The following MLLT3 variants were observed in gnomAD, a reference collection of about 807,000 sequenced individuals.
MLLT3 encodes the protein protein AF-9.
A neutral mutation model predicts 53.2 loss-of-function variants in MLLT3; 4 were observed. That is an observed-to-expected ratio of 0.08 (90% CI 0.04 to 0.17). The LOEUF is 0.17. Among genes scored for constraint, MLLT3 ranks in the 10% least tolerant of loss-of-function variants. The pLI is 1.00. For synonymous variants in MLLT3, 283 were observed against 230.6 expected (o/e 1.23, Z -2.06); for missense variants, 569 against 684.0 (o/e 0.83, Z 1.87).
chr9:20,454,438 C>T (rs1269417434), intron 3 of MLLT3, among the ~76,000 whole-genome samples: 1 of 152,044 alleles, frequency 6.6e-6, no homozygotes. Context: ...GTACAAATGA[C>T]CAGAAGAGTT....
chr9:20,577,053 C>A (rs532212447), intron 2 of MLLT3, among the ~76,000 whole-genome samples: 1 of 152,244 alleles, frequency 6.6e-6, no homozygotes, highest in South Asian at 2.1e-4. Flanking sequence ...CAGGAGTAAT[C>A]CTGCAACATT....
chr9:20,437,997 A>C (rs1051589857), intron 4 of MLLT3, among the ~76,000 whole-genome samples: 2 of 152,194 alleles, frequency 1.3e-5, no homozygotes, highest in African/African-American at 4.8e-5. Context: ...AGTCTTATCA[A>C]AAGTTTTTGC....
chr9:20,355,606 A>G (rs1821153318), intron 8 of MLLT3, among the ~76,000 whole-genome samples: 1 of 152,242 alleles, frequency 6.6e-6, no homozygotes, highest in African/African-American at 2.4e-5. Context: ...CTTTGACAGC[A>G]TCTTCAAAAC....
chr9:20,609,223 T>G (rs1382546220), intron 2 of MLLT3, among the ~76,000 whole-genome samples: 1 of 152,026 alleles, frequency 6.6e-6, no homozygotes, highest in Non-Finnish European at 1.5e-5. Context: ...AAATTATTTT[T>G]TCTTTGACCT....
At chr9:20,615,970 G>T (rs755656983) in intron 2 of MLLT3, among the ~76,000 whole-genome samples, 4 of 150,824 alleles carry the variant, frequency 2.7e-5, no homozygotes, top group Non-Finnish European at 5.9e-5. Flanking sequence ...TTACCTGTAT[G>T]TTAACATATA....
intron 2 of MLLT3, among the ~76,000 whole-genome samples, chr9:20,520,905 T>C (rs1157447520): frequency 6.6e-6 from 1 of 152,062 alleles, no homozygotes; most frequent in Non-Finnish European, 1.5e-5. Flanking sequence ...GAGGGAAGAC[T>C]AAGAGTGGGA....
intron 2 of MLLT3, among the ~76,000 whole-genome samples, chr9:20,556,872 T>C (rs1487040816): frequency 6.6e-6 from 1 of 152,122 alleles, no homozygotes; most frequent in Non-Finnish European, 1.5e-5. Context: ...GGCCTATTTT[T>C]AAAAGCCAAT....
intron 5 of MLLT3, among the ~76,000 whole-genome samples, chr9:20,411,474 A>G (rs1822726301): frequency 1.3e-5 from 2 of 152,224 alleles, no homozygotes; most frequent in South Asian, 2.1e-4. Flanking sequence ...TACTAGTACC[A>G]GAAGACTAAT....
intron 2 of MLLT3, among the ~76,000 whole-genome samples, chr9:20,468,478 T>G (rs1335615474): frequency 6.6e-6 from 1 of 152,062 alleles, no homozygotes; most frequent in Non-Finnish European, 1.5e-5. Flanking sequence ...GAGCACATAT[T>G]GTGAAAAAGC....
chr9:20,620,327 C>T lies in MLLT3; in HGVS notation c.193+327G>A, dbSNP rs944728997. Among the ~76,000 whole-genome samples the T allele has an allele frequency of 6.6e-6, 1 of 151,854 alleles. No homozygotes were observed. Among genetic ancestry groups the T allele is most frequent in the African/African-American group, 2.4e-5 (1 of 41,352 alleles). On this transcript the variant is annotated intron_variant, in intron 2 of 10. Coordinates refer to ENST00000380338, the MANE Select transcript of MLLT3 (RefSeq NM_004529.4). This position sits in a 1 kb window ranked among gnomAD's most constrained non-coding sequence, Gnocchi z 6.1. ...GTGTTTATTCCCTCCAGCCCGATTC[C>T]CCACATCTCCAAACTCAACAACTAA...
chr9:20,620,530 G>T lies in MLLT3; in HGVS notation c.193+124C>A, dbSNP rs1231063487. The T allele has an allele frequency of 4.0e-6, 3 of 748,492 alleles. No individual in the cohort carries two copies. Among genetic ancestry groups the T allele is most frequent in the African/African-American group, 1.9e-5 (1 of 53,226 alleles). 46.4% of individuals were successfully genotyped at this position (748,492 alleles called of 1,614,324 possible). ...CTGGCCCGCGCGGCGCCGCGCACCC[G>T]GATCCCGAGGCTACGCCGGCGAGCG... On this transcript the variant is annotated intron_variant, in intron 2 of 10. Transcript: ENST00000380338. This position sits in a 1 kb window ranked among gnomAD's most constrained non-coding sequence, Gnocchi z 6.1.
At chr9:20,566,687 G>A (rs1465996965) in intron 2 of MLLT3, among the ~76,000 whole-genome samples, 4 of 151,968 alleles carry the variant, frequency 2.6e-5, no homozygotes, top group African/African-American at 9.7e-5. Context: ...ATAATCAAAC[G>A]GTTAAAGCCA....
chr9:20,525,739 G>A (rs1490346832), intron 2 of MLLT3, among the ~76,000 whole-genome samples: 2 of 152,146 alleles, frequency 1.3e-5, no homozygotes, highest in Non-Finnish European at 2.9e-5. Flanking sequence ...CCTTGTTGCT[G>A]TAAGATTCTT....
chr9:20,459,622 C>T (rs1358762879), intron 2 of MLLT3, among the ~76,000 whole-genome samples: 2 of 152,082 alleles, frequency 1.3e-5, no homozygotes, highest in African/African-American at 2.4e-5. Flanking sequence ...CTCTATATAC[C>T]CTTTAGTATA....
At chr9:20,489,866 C>G (rs1824904692) in intron 2 of MLLT3, among the ~76,000 whole-genome samples, 1 of 151,934 alleles carries the variant, frequency 6.6e-6, no homozygotes, top group Non-Finnish European at 1.5e-5. Flanking sequence ...AAGCAGGTGC[C>G]AGAGATACCA....
chr9:20,395,181 T>C (rs1822291196), intron 5 of MLLT3, among the ~76,000 whole-genome samples: 1 of 152,182 alleles, frequency 6.6e-6, no homozygotes, highest in Admixed American at 6.6e-5. Flanking sequence ...CGCATCCTGC[T>C]GAAACAAACC....
At chr9:20,565,148 A>G (rs953885519) in intron 2 of MLLT3, among the ~76,000 whole-genome samples, 5 of 149,952 alleles carry the variant, frequency 3.3e-5, no homozygotes, top group Admixed American at 3.3e-4. Flanking sequence ...TTTTTTTCTC[A>G]GTATTTAGTT....
intron 2 of MLLT3, among the ~76,000 whole-genome samples, chr9:20,487,568 C>T (rs1463749955): frequency 1.3e-5 from 2 of 152,088 alleles, no homozygotes; most frequent in Admixed American, 1.3e-4. Flanking sequence ...CACTTTCTTA[C>T]AACAAGAAAG....
At chr9:20,442,780 A>G (rs1823588070) in intron 4 of MLLT3, among the ~76,000 whole-genome samples, 1 of 152,170 alleles carries the variant, frequency 6.6e-6, no homozygotes, top group Non-Finnish European at 1.5e-5. Flanking sequence ...ATTCCAATTT[A>G]TTCCTTGTGA....
Sources: allele counts gnomAD v4.1 joint callset (sites outside exome capture counted in the v4.1 genomes callset), GRCh38; gene constraint gnomAD v4.1.1; non-coding constraint Gnocchi (gnomAD v3.1); transcripts MANE v1.5; gene names NCBI Gene and HGNC (gene_info 2026-07-23, HGNC 2026-07-21).